Variants in ZNF536 observed in about 807,000 individuals in gnomAD.
The protein encoded by ZNF536 is zinc finger protein 536.
A neutral mutation model predicts 84.5 loss-of-function variants in ZNF536; 13 were observed. The observed-to-expected ratio is 0.15, with a 90% CI of 0.10 to 0.24. The LOEUF (loss-of-function observed/expected upper bound fraction) is 0.24, where lower values mean the gene tolerates loss of function less well. Ranked by LOEUF, ZNF536 falls within the 10% of genes least tolerant of loss-of-function variation. The pLI is 1.00. For synonymous variants in ZNF536, 811 were observed against 742.5 expected, an observed-to-expected ratio of 1.09 and a Z score of -1.50; for missense variants, 1,536 against 1,747.5, an observed-to-expected ratio of 0.88 and a Z score of 2.16.
intron 1 of ZNF536, among the ~76,000 whole-genome samples, chr19:30,601,823 A>T (rs1320191694): frequency 6.6e-6 from 1 of 152,222 alleles, no homozygotes; most frequent in Non-Finnish European, 1.5e-5. Context: ...TGCTTGTGTG[A>T]TGCTGAAGGG....
intron 1 of ZNF536, among the ~76,000 whole-genome samples, chr19:30,239,245 A>G (rs569766161): frequency 1.3e-4 from 20 of 152,338 alleles, no homozygotes; most frequent in African/African-American, 4.8e-4. Context: ...TTGAGTGCCT[A>G]TTAGACAGGT....
At chr19:30,463,830 G>A (rs2053264757) in intron 2 of ZNF536, among the ~76,000 whole-genome samples, 2 of 152,130 alleles carry the variant, frequency 1.3e-5, no homozygotes, top group Admixed American at 6.5e-5. Context: ...TTGAGATGGG[G>A]TGCAGGCATG....
chr19:30,358,254 G>C (rs2048160752), intron 3 of ZNF536, among the ~76,000 whole-genome samples: 1 of 152,162 alleles, frequency 6.6e-6, no homozygotes, highest in Non-Finnish European at 1.5e-5. Context: ...GAGGGTAAGG[G>C]ACTGGCCCAG....
chr19:30,559,651 G>T (rs1212737155), downstream of ZNF536, among the ~76,000 whole-genome samples: 2 of 152,202 alleles, frequency 1.3e-5, no homozygotes, highest in Non-Finnish European at 2.9e-5. Flanking sequence ...GGGCCCAGAG[G>T]GGTATAGATG....
rs2148240337 is a variant in ZNF536, at chr19:30,445,804, C to T, written c.2170+72C>T. The T allele has an allele frequency of 1.3e-6, 2 of 1,499,546 alleles. No homozygotes were observed. The highest frequency in any genetic ancestry group is 1.8e-6 in the Non-Finnish European group (2 of 1,125,422). The allele number at this position is 1,499,546 out of a possible 1,614,324, so 92.9% of individuals were successfully genotyped here. A position where few individuals can be genotyped will look rare whatever the true frequency, so the allele number is the denominator to read the frequency against. On this transcript the variant is annotated intron_variant, in intron 2 of 4. Coordinates refer to ENST00000355537, the MANE Select transcript of ZNF536 (RefSeq NM_014717.3). This position sits in a 1 kb window ranked among gnomAD's most constrained non-coding sequence, Gnocchi z 4.5. ...GCTCAGGGCTGCCTGGTTCTGCTCC[C>T]AGGCCTCCAGTCAGTTCCAAGGCCA...
intron 1 of ZNF536, among the ~76,000 whole-genome samples, chr19:30,630,048 C>T (rs996493329): frequency 1.3e-5 from 2 of 152,218 alleles, no homozygotes; most frequent in Non-Finnish European, 2.9e-5. Context: ...ACTTAAAAAA[C>T]AGCTACTCTC....
rs373259584 is a variant in ZNF536, at chr19:30,444,571, G to T, written c.1009G>T (p.Gly337Cys). 12 of 1,613,590 alleles carry T rather than the reference G, an allele frequency of 7.4e-6. No individual in the cohort carries two copies. The African/African-American group carries it at 1.3e-4, about 18-fold the overall frequency. Residue 337 changes from glycine to cysteine, a missense_variant, in exon 2 of 5, where the codon GGT becomes TGT. By Grantham distance (159) the Gly-to-Cys change is radical. Around this residue, in one of 8 missense-constraint regions of ZNF536, gnomAD observed 61 missense variants for 104.0 expected, o/e 0.59. Coordinates refer to ENST00000355537, the MANE Select transcript of ZNF536 (RefSeq NM_014717.3). ...GGCCCAGGGCCAGGGCCCCAACGGC[G>T]GTGGCGAGCAGTCGGCCAACGAGTT... Reference protein sequence around the residue: ...ESAQGQGPNGGGEQSANEFRC... With the variant: ...ESAQGQGPNGCGEQSANEFRC...
At chr19:30,606,251 AT>A (rs59595241) in intron 1 of ZNF536, among the ~76,000 whole-genome samples, 4,806 of 56,424 alleles carry the variant, frequency 0.085, 254 homozygotes, top group Non-Finnish European at 0.11. Context: ...ATAAAATAAA[AT>A]AAATAAAATA....
At position 30,548,963 on chromosome 19, in the gene ZNF536, T is replaced by C. The variant is rs752640024; in HGVS notation, c.3344T>C (p.Phe1115Ser). The change falls in exon 4 of 5, where the codon TTT becomes TCT. Residue 1115 changes from phenylalanine (F) to serine (S), a missense_variant. Phe to Ser is a radical substitution (Grantham distance 155, BLOSUM62 -2). Around this residue, in one of 8 missense-constraint regions of ZNF536, gnomAD observed 624 missense variants for 603.1 expected, o/e 1.03. Coordinates refer to ENST00000355537, the MANE Select transcript of ZNF536 (RefSeq NM_014717.3). ...TTCCCATCAGACTTCTACAAGCAGT[T>C]TGGTGTTTACCCAGGCATGGTTGGC... ...CNFPSDFYKQ[F>S]GVYPGMVGSG... is the part of the protein sequence containing the mutation. The C allele has an allele frequency of 6.2e-7, 1 of 1,614,124 alleles. No homozygotes were observed. The highest frequency in any genetic ancestry group is 1.7e-5 in the Admixed American group (1 of 60,024).
At chr19:30,505,881 G>A (rs960254214) in intron 2 of ZNF536, among the ~76,000 whole-genome samples, 1 of 152,000 alleles carries the variant, frequency 6.6e-6, no homozygotes, top group Admixed American at 6.6e-5. Flanking sequence ...GGTCAGGCTG[G>A]TCTCAAACCC....
At chr19:30,277,482 C>G (rs2045278159) in intron 1 of ZNF536, among the ~76,000 whole-genome samples, 1 of 152,172 alleles carries the variant, frequency 6.6e-6, no homozygotes, top group Non-Finnish European at 1.5e-5. Context: ...GCTTCTCCAT[C>G]AAAGTTACCT....
intron 1 of ZNF536, among the ~76,000 whole-genome samples, chr19:30,253,470 G>C (rs1053585227): frequency 1.3e-5 from 2 of 152,324 alleles, no homozygotes; most frequent in Admixed American, 6.5e-5. Flanking sequence ...CACGCGTTCT[G>C]TCATCAGGGC....
At chr19:30,309,124 A>G (rs750436448) in intron 2 of ZNF536, among the ~76,000 whole-genome samples, 37 of 152,288 alleles carry the variant, frequency 2.4e-4, no homozygotes, top group South Asian at 6.2e-4. Flanking sequence ...AATCAAAACA[A>G]ACAAAAAAGC....
In ZNF536 at chr19:30,443,788, C is replaced by A. The variant is rs2052180090; in HGVS notation, c.226C>A (p.Pro76Thr). 2.5e-6 allele frequency: 4 copies of A among 1,613,206 alleles called. No homozygotes were observed. Among genetic ancestry groups the A allele is most frequent in the Non-Finnish European group, 3.4e-6 (4 of 1,179,770 alleles). ...EKAHVPMSGQ[P>T]MGSQMALLAN... ...GGCCCACGTGCCCATGAGCGGCCAG[C>A]CCATGGGCAGTCAGATGGCGCTCCT... Residue 76 changes from proline (P) to threonine (T), a missense_variant, in exon 2 of 5, where the codon CCC becomes ACC. Coordinates refer to ENST00000355537, the MANE Select transcript of ZNF536 (RefSeq NM_014717.3).
intron 1 of ZNF536, among the ~76,000 whole-genome samples, chr19:30,571,643 ACTTC>A (rs1170425416): frequency 7.2e-5 from 11 of 152,056 alleles, no homozygotes; most frequent in African/African-American, 2.7e-4. Flanking sequence ...TTCCAGGCCC[ACTTC>A]CTGCTCCTGC....
intron 1 of ZNF536, among the ~76,000 whole-genome samples, chr19:30,604,268 G>C (rs1345410352): frequency 6.6e-6 from 1 of 151,938 alleles, no homozygotes; most frequent in Non-Finnish European, 1.5e-5. Flanking sequence ...CCAGTAATAT[G>C]TTATTAAGCT....
At chr19:30,542,170 A>G (rs571815451) in intron 3 of ZNF536, among the ~76,000 whole-genome samples, 1 of 152,356 alleles carries the variant, frequency 6.6e-6, no homozygotes, top group African/African-American at 2.4e-5. Context: ...ATGGTTTCCA[A>G]AGAGAATATG....
upstream of ZNF536, among the ~76,000 whole-genome samples, chr19:30,368,070 C>A (rs1197859739): frequency 6.6e-6 from 1 of 152,218 alleles, no homozygotes; most frequent in African/African-American, 2.4e-5. Flanking sequence ...AAGGGCAGAG[C>A]CTCTGTCCCT....
chr19:30,695,975 G>A (rs968558557), intron 1 of ZNF536, among the ~76,000 whole-genome samples: 9 of 152,134 alleles, frequency 5.9e-5, no homozygotes, highest in Non-Finnish European at 1.0e-4. Flanking sequence ...TAGGTGCTGC[G>A]TCTGCTAATT....
Sources: allele counts gnomAD v4.1 joint callset (sites outside exome capture counted in the v4.1 genomes callset), GRCh38; gene constraint gnomAD v4.1.1; regional missense constraint gnomAD v4.1.1; non-coding constraint Gnocchi (gnomAD v3.1); transcripts MANE v1.5; gene names NCBI Gene and HGNC (gene_info 2026-07-23, HGNC 2026-07-21).